Variants in FSTL4 observed in about 807,000 individuals in gnomAD.
FSTL4 encodes the protein follistatin like 4, also known as follistatin-related protein 4.
A neutral mutation model predicts 78.2 loss-of-function variants in FSTL4; 28 were observed. The ratio of observed to expected loss-of-function variants is 0.36; its 90% CI spans 0.27 to 0.49. The LOEUF is 0.49. FSTL4 is among the 20% of genes least tolerant of loss of function. The pLI is 0.98. For synonymous variants in FSTL4, 422 were observed against 440.5 expected, an observed-to-expected ratio of 0.96 and a Z score of 0.53; for missense variants, 922 against 1,084.9, an observed-to-expected ratio of 0.85 and a Z score of 2.11.
At chr5:133,631,987 G>A in the FSTL4 span, among the ~76,000 whole-genome samples, 6 of 152,170 alleles carry the variant, frequency 3.9e-5, no homozygotes, top group East Asian at 1.9e-4. Flanking sequence ...ATCACACACC[G>A]GGGTCTGTTG....
intron 4 of FSTL4, among the ~76,000 whole-genome samples, chr5:133,364,203 G>A (rs1305491855): frequency 6.6e-6 from 1 of 151,822 alleles, no homozygotes; most frequent in Non-Finnish European, 1.5e-5. Context: ...CAAGGGACAT[G>A]TTCAAAGTGC....
the FSTL4 span, among the ~76,000 whole-genome samples, chr5:133,742,520 T>C: frequency 6.6e-6 from 1 of 152,150 alleles, no homozygotes; most frequent in Non-Finnish European, 1.5e-5. Context: ...TAACTGTCAC[T>C]GGGCATCCTT....
chr5:133,792,123 C>T, the FSTL4 span, among the ~76,000 whole-genome samples: 1 of 152,216 alleles, frequency 6.6e-6, no homozygotes, highest in Non-Finnish European at 1.5e-5. Flanking sequence ...GCCCCATCAA[C>T]AGCCCCAGAA....
chr5:133,221,293 G>A (rs1751093809), intron 11 of FSTL4, among the ~76,000 whole-genome samples: 1 of 152,204 alleles, frequency 6.6e-6, no homozygotes, highest in African/African-American at 2.4e-5. Context: ...TGTATGTACA[G>A]TGTCACTTCC....
chr5:133,578,740 G>A (rs1457898698), intron 2 of FSTL4, among the ~76,000 whole-genome samples: 1 of 152,148 alleles, frequency 6.6e-6, no homozygotes, highest in Non-Finnish European at 1.5e-5. Context: ...GACAGTCTTT[G>A]GTAGCAAATC....
intron 3 of FSTL4, among the ~76,000 whole-genome samples, chr5:133,517,439 A>AT (rs1221892095): frequency 6.2e-5 from 2 of 32,146 alleles, no homozygotes; most frequent in South Asian, 9.9e-4. Flanking sequence ...AAAAAAAAAA[A>AT]AAAAAAAAAT....
At chr5:133,249,660 T>G (rs1323352627) in intron 6 of FSTL4, 84 bp from the exon 7 acceptor site, 1 of 1,116,692 alleles carries the variant, frequency 9.0e-7, no homozygotes. Context: ...ATGAATTTCC[T>G]GGGTGGAAGA....
the FSTL4 span, among the ~76,000 whole-genome samples, chr5:133,809,748 G>A: frequency 1.3e-5 from 2 of 152,196 alleles, no homozygotes; most frequent in Non-Finnish European, 2.9e-5. Context: ...CCAATGCCAT[G>A]CGTCCCACAG....
At chr5:133,485,075 C>T (rs1758104898) in intron 3 of FSTL4, among the ~76,000 whole-genome samples, 1 of 152,190 alleles carries the variant, frequency 6.6e-6, no homozygotes, top group African/African-American at 2.4e-5. Flanking sequence ...TTACCCTTGA[C>T]AGTAACCATA....
chr5:133,504,816 C>A (rs1342327099), intron 3 of FSTL4, among the ~76,000 whole-genome samples: 1 of 152,170 alleles, frequency 6.6e-6, no homozygotes, highest in African/African-American at 2.4e-5. Flanking sequence ...AGTCAGGTGC[C>A]CACAGCCCTC....
chr5:133,402,990 G>A (rs1756273120), intron 3 of FSTL4, among the ~76,000 whole-genome samples: 1 of 152,198 alleles, frequency 6.6e-6, no homozygotes, highest in Admixed American at 6.5e-5. Context: ...TGGGCTGGAG[G>A]CCCCCCACTC....
the FSTL4 span, among the ~76,000 whole-genome samples, chr5:133,786,288 T>C: frequency 6.6e-6 from 1 of 152,242 alleles, no homozygotes; most frequent in Admixed American, 6.5e-5. Flanking sequence ...AGGGATGTTT[T>C]CTATTTTAAC....
intron 2 of FSTL4, among the ~76,000 whole-genome samples, chr5:133,573,548 T>C (rs2112950444): frequency 6.6e-6 from 1 of 152,314 alleles, no homozygotes; most frequent in African/African-American, 2.4e-5. Flanking sequence ...TGTACATACC[T>C]AGTAGCATAG....
the FSTL4 span, among the ~76,000 whole-genome samples, chr5:133,670,899 T>G: frequency 6.6e-6 from 1 of 152,196 alleles, no homozygotes; most frequent in Non-Finnish European, 1.5e-5. Context: ...TATCTACACC[T>G]TTTGGGTGTG....
intron 4 of FSTL4, among the ~76,000 whole-genome samples, chr5:133,348,516 C>T (rs1207436297): frequency 6.6e-6 from 1 of 152,188 alleles, no homozygotes; most frequent in Non-Finnish European, 1.5e-5. Flanking sequence ...TGGTGGGGGT[C>T]CCAGGATGCC....
the FSTL4 span, among the ~76,000 whole-genome samples, chr5:133,790,012 C>T: frequency 1.3e-5 from 2 of 152,130 alleles, no homozygotes; most frequent in South Asian, 4.1e-4. Flanking sequence ...TCACAGGATT[C>T]CATTTCCTAC....
chr5:133,716,941 C>T, the FSTL4 span, among the ~76,000 whole-genome samples: 3 of 152,216 alleles, frequency 2.0e-5, no homozygotes, highest in Non-Finnish European at 2.9e-5. Context: ...GTATTTGTCC[C>T]TTGGCCAATG....
At chr5:133,279,972 C>T (rs1341827157) in intron 6 of FSTL4, among the ~76,000 whole-genome samples, 3 of 152,136 alleles carry the variant, frequency 2.0e-5, no homozygotes, top group Non-Finnish European at 4.4e-5. Flanking sequence ...TGCTGCAAGC[C>T]AAGGAATACC....
chr5:133,743,039 G>A, the FSTL4 span, among the ~76,000 whole-genome samples: 3 of 152,250 alleles, frequency 2.0e-5, no homozygotes, highest in East Asian at 5.8e-4. Context: ...AAAAACAAGA[G>A]CCTATCAAAG....
Sources: gnomAD v4.1 joint callset for allele counts (sites outside exome capture counted in the v4.1 genomes callset) on GRCh38, gnomAD v4.1.1 for gene constraint, MANE v1.5 for transcripts, NCBI Gene and HGNC (gene_info 2026-07-23, HGNC 2026-07-21) for gene names.